Variants in SUGCT observed in about 807,000 individuals in gnomAD.
The protein encoded by SUGCT is succinyl-CoA:glutarate-CoA transferase, also known as succinyl-CoA:glutarate CoA-transferase.
Under a neutral mutation model 55.0 loss-of-function variants are expected in SUGCT, and 41 were observed. The ratio of observed to expected loss-of-function variants is 0.74; its 90% CI spans 0.58 to 0.97. SUGCT has a LOEUF of 0.97. SUGCT is among the 50% of genes least tolerant of loss of function. The pLI is 0.00. For missense variants in SUGCT, 568 were observed against 547.8 expected, an observed-to-expected ratio of 1.04 and a Z score of -0.37; for synonymous variants, 187 against 200.4, an observed-to-expected ratio of 0.93 and a Z score of 0.56.
At chr7:40,275,021 G>A (rs1411545395) in intron 8 of SUGCT, among the ~76,000 whole-genome samples, 6 of 151,958 alleles carry the variant, frequency 3.9e-5, no homozygotes, top group Admixed American at 3.9e-4. Flanking sequence ...GGCTGGTCTC[G>A]AACTCCCGAC....
intron 9 of SUGCT, among the ~76,000 whole-genome samples, chr7:40,396,565 C>A (rs1412447625): frequency 6.6e-6 from 1 of 152,134 alleles, no homozygotes; most frequent in Admixed American, 6.5e-5. Context: ...CGATTTACTT[C>A]CCATTTGACT....
chr7:40,914,797 C>T, the SUGCT span, among the ~76,000 whole-genome samples: 1 of 152,112 alleles, frequency 6.6e-6, no homozygotes, highest in East Asian at 1.9e-4. Context: ...AAACACATGC[C>T]TGCCTTTTGT....
At chr7:40,947,134 C>G in the SUGCT span, among the ~76,000 whole-genome samples, 2 of 152,202 alleles carry the variant, frequency 1.3e-5, no homozygotes, top group South Asian at 2.1e-4. Flanking sequence ...CTCTGAGACT[C>G]TATTTTTCTT....
At chr7:40,363,316 G>T (rs995289396) in intron 9 of SUGCT, among the ~76,000 whole-genome samples, 61 of 151,948 alleles carry the variant, frequency 4.0e-4, no homozygotes, top group Non-Finnish European at 7.5e-4. Context: ...ATTTCCTTCA[G>T]TTGTGCTCTG....
intron 11 of SUGCT, among the ~76,000 whole-genome samples, chr7:40,474,682 C>G (rs1790566335): frequency 6.6e-6 from 1 of 152,126 alleles, no homozygotes; most frequent in Non-Finnish European, 1.5e-5. Flanking sequence ...CTCTACAGCT[C>G]TGAGTGTCAG....
At chr7:40,970,138 T>C in the SUGCT span, among the ~76,000 whole-genome samples, 2 of 152,212 alleles carry the variant, frequency 1.3e-5, no homozygotes, top group African/African-American at 2.4e-5. Flanking sequence ...AGAAGGTTTG[T>C]TGAGTGTGTT....
At chr7:40,973,298 C>T in the SUGCT span, among the ~76,000 whole-genome samples, 1 of 152,112 alleles carries the variant, frequency 6.6e-6, no homozygotes, top group Non-Finnish European at 1.5e-5. Context: ...TCTGAAAAAA[C>T]AAAGCAATTC....
At chr7:40,764,764 G>A (rs1415088669) in intron 13 of SUGCT, among the ~76,000 whole-genome samples, 1 of 152,180 alleles carries the variant, frequency 6.6e-6, no homozygotes, top group South Asian at 2.1e-4. Context: ...GATAGAGGTA[G>A]TTCCAATCCT....
chr7:40,510,358 A>G (rs1415461990), intron 12 of SUGCT, among the ~76,000 whole-genome samples: 1 of 152,164 alleles, frequency 6.6e-6, no homozygotes, highest in Non-Finnish European at 1.5e-5. Flanking sequence ...ATTTTTCTAT[A>G]TAAGGCATTT....
intron 13 of SUGCT, among the ~76,000 whole-genome samples, chr7:40,797,268 A>G (rs1435516569): frequency 6.6e-6 from 1 of 152,208 alleles, no homozygotes; most frequent in Non-Finnish European, 1.5e-5. Flanking sequence ...AAGTTGAAAT[A>G]CCTGCCTTAT....
the SUGCT span, among the ~76,000 whole-genome samples, chr7:40,907,608 A>T: frequency 2.6e-5 from 4 of 152,206 alleles, no homozygotes; most frequent in Admixed American, 1.3e-4. Context: ...CACAGCTGAA[A>T]AAACTGAAAC....
At chr7:41,008,835 T>C in the SUGCT span, among the ~76,000 whole-genome samples, 1 of 151,990 alleles carries the variant, frequency 6.6e-6, no homozygotes, top group African/African-American at 2.4e-5. Flanking sequence ...GTGGTGCTTG[T>C]TGGCAGTGTG....
Position 40,135,034 on chromosome 7 carries a change from T to C in SUGCT, c.14T>C (p.Leu5Pro). 1.3e-6 allele frequency: 2 copies of C among 1,561,372 alleles called. No homozygotes were observed. The highest frequency in any genetic ancestry group is 1.2e-5 in the South Asian group (1 of 84,586). The change falls in exon 1 of 14, where the codon CTG becomes CCG. Residue 5 changes from leucine (L) to proline (P), a missense_variant. Transcript: ENST00000335693. The stretch of plus-strand genomic sequence containing the variant: ...GAGACGCACGCGATGCTGGCGACGC[T>C]GGCGAGGGTGGCAGCTCTGCGCAGA... The part of the protein sequence containing the change: MLAT[L>P]ARVAALRRTC...
intron 12 of SUGCT, among the ~76,000 whole-genome samples, chr7:40,631,827 T>A (rs1315527893): frequency 6.6e-6 from 1 of 152,162 alleles, no homozygotes; most frequent in Non-Finnish European, 1.5e-5. Context: ...GAGTTGATAT[T>A]CCCGTGGTCA....
At chr7:40,475,867 T>C (rs1005272129) in intron 11 of SUGCT, among the ~76,000 whole-genome samples, 2 of 152,076 alleles carry the variant, frequency 1.3e-5, no homozygotes, top group African/African-American at 4.8e-5. Flanking sequence ...ATAATTGATC[T>C]ATAAATAAGT....
In SUGCT at chr7:40,291,208, G is replaced by A. The variant is rs1313309067; in HGVS notation, c.720+16552G>A. Among the ~76,000 whole-genome samples the A allele has an allele frequency of 2.6e-5, 4 of 152,086 alleles. No homozygotes were observed. In the South Asian group the frequency reaches 6.2e-4, roughly 24 times the overall value. On this transcript the variant is annotated intron_variant, in intron 8 of 13. Transcript: ENST00000335693. ...CTGCTATAAAGACACATGCACACGTGTGTTTATTGCGGCACTATTCACAAT... is the reference window on the plus strand; with the variant it reads ...CTGCTATAAAGACACATGCACACGTATGTTTATTGCGGCACTATTCACAAT...
intron 13 of SUGCT, among the ~76,000 whole-genome samples, chr7:40,811,541 G>T (rs564427092): frequency 6.6e-6 from 1 of 152,174 alleles, no homozygotes; most frequent in Non-Finnish European, 1.5e-5. Context: ...TTGTAAATGG[G>T]ATTATTTTCT....
chr7:41,029,701 A>ATTTTGGTACC, the SUGCT span, among the ~76,000 whole-genome samples: 1 of 152,312 alleles, frequency 6.6e-6, no homozygotes, highest in East Asian at 1.9e-4. Flanking sequence ...CCTGTTGTTA[A>ATTTTGGTACC]CATGTATTAT....
chr7:40,726,024 A>G (rs902093639), intron 12 of SUGCT, among the ~76,000 whole-genome samples: 2 of 152,172 alleles, frequency 1.3e-5, no homozygotes, highest in Admixed American at 6.5e-5. Flanking sequence ...TGGCCCTGGC[A>G]CCAGGCTGCC....
Sources: gnomAD v4.1 joint callset for allele counts (sites outside exome capture counted in the v4.1 genomes callset) on GRCh38, gnomAD v4.1.1 for gene constraint, MANE v1.5 for transcripts, NCBI Gene and HGNC (gene_info 2026-07-23, HGNC 2026-07-21) for gene names.